Variants in RAP1A observed in about 807,000 individuals in gnomAD.
RAP1A encodes the protein RAP1A, member of RAS oncogene family.
A neutral mutation model predicts 26.4 loss-of-function variants in RAP1A; 6 were observed. The observed-to-expected ratio is 0.23, with a 90% CI of 0.12 to 0.45. The LOEUF is 0.45. Ranked by LOEUF, RAP1A falls within the 20% of genes least tolerant of loss-of-function variation. The pLI is 0.99. For missense variants in RAP1A, 121 were observed against 217.2 expected (o/e 0.56, Z 2.78); for synonymous variants, 73 against 79.4 (o/e 0.92, Z 0.43).
At chr1:111,648,293 C>T (rs1486858096) in intron 1 of RAP1A, 4 of 999,526 alleles carry the variant, frequency 4.0e-6, no homozygotes, top group Admixed American at 1.9e-5. Context: ...TGGCTTAATT[C>T]TCAGAACTTT....
At chr1:111,673,765 T>C (rs1358505240) in intron 1 of RAP1A, among the ~76,000 whole-genome samples, 2 of 152,180 alleles carry the variant, frequency 1.3e-5, no homozygotes, top group African/African-American at 2.4e-5. Flanking sequence ...CAGTAATGAG[T>C]TAGAACTAAT....
intron 4 of RAP1A, among the ~76,000 whole-genome samples, chr1:111,699,479 T>TTTTTTTTTGAAACAG (rs374442188): frequency 7.2e-6 from 1 of 139,024 alleles, no homozygotes; most frequent in Non-Finnish European, 1.6e-5. Context: ...TTTTTTTTTT[T>TTTTTTTTTGAAACAG]GAAACAGGGT....
chr1:111,543,865 G>T (rs1380484530), intron 1 of RAP1A, among the ~76,000 whole-genome samples: 2 of 152,160 alleles, frequency 1.3e-5, no homozygotes, highest in Non-Finnish European at 2.9e-5. Flanking sequence ...TTATTTTAAA[G>T]GATTGGGCCT....
chr1:111,568,896 CTTAA>C (rs1349193516), intron 1 of RAP1A, among the ~76,000 whole-genome samples: 5 of 152,096 alleles, frequency 3.3e-5, no homozygotes, highest in African/African-American at 7.2e-5. Context: ...TTCACTTCCA[CTTAA>C]TTAATAGTAA....
chr1:111,713,263 A>G lies in RAP1A; in HGVS notation c.*862A>G, dbSNP rs1000486979. The stretch of plus-strand genomic sequence containing the variant: ...ATACTAAGTAACTGGTGATTTCTCT[A>G]GGAACAGACCTCGCACTTTCTGTTC... On this transcript the variant is annotated 3_prime_UTR_variant, in exon 8 of 8. Coordinates refer to ENST00000369709, the MANE Select transcript of RAP1A (RefSeq NM_002884.4). 2 of 152,248 alleles carry G rather than the reference A, an allele frequency of 1.3e-5. No individual in the cohort carries two copies. The highest frequency in any genetic ancestry group is 4.8e-5 in the African/African-American group (2 of 41,466). 9.4% of individuals were successfully genotyped at this position (152,248 alleles called of 1,614,324 possible).
chr1:111,638,754 C>T (rs1659801209), intron 1 of RAP1A, among the ~76,000 whole-genome samples: 1 of 152,090 alleles, frequency 6.6e-6, no homozygotes, highest in South Asian at 2.1e-4. Flanking sequence ...CCTTTATTTG[C>T]CTACTCTGGT....
chr1:111,550,434 ATCTT>A (rs2101034924), intron 1 of RAP1A, among the ~76,000 whole-genome samples: 1 of 150,852 alleles, frequency 6.6e-6, no homozygotes, highest in South Asian at 2.1e-4. Flanking sequence ...TTGATTTGAG[ATCTT>A]TCTTCTTTTT....
intron 4 of RAP1A, among the ~76,000 whole-genome samples, chr1:111,699,708 C>A (rs1661959530): frequency 6.6e-6 from 1 of 151,690 alleles, no homozygotes; most frequent in Non-Finnish European, 1.5e-5. Flanking sequence ...CTCAAGGGAT[C>A]CTCCTGTCTT....
At position 111,697,513 on chromosome 1, in the gene RAP1A, C is replaced by CT. The variant is rs914677663; in HGVS notation, c.183+23dup. 2.5e-6 allele frequency: 4 copies of CT among 1,606,362 alleles called. No homozygotes were observed. The highest frequency in any genetic ancestry group is 1.3e-5 in the African/African-American group (1 of 74,150). On this transcript the variant is annotated intron_variant, in intron 4 of 7. Transcript: ENST00000369709. ...TGCAGGGACAGTAAGGATGTTTTCTCTTTTTTTGATAGATTTTAATTTGTG... is the reference window on the plus strand; with the variant it reads ...TGCAGGGACAGTAAGGATGTTTTCTCTTTTTTTTGATAGATTTTAATTTGTG...
At position 111,649,113 on chromosome 1, in the gene RAP1A, T is replaced by C. The variant is rs1459691962; in HGVS notation, c.-28+29179T>C. 3 of 593,444 alleles carry C rather than the reference T, an allele frequency of 5.1e-6. No homozygotes were observed. In the East Asian group the frequency reaches 1.3e-4, roughly 25 times the overall value. 36.8% of individuals were successfully genotyped at this position (593,444 alleles called of 1,614,324 possible). A position where few individuals can be genotyped will look rare whatever the true frequency, so the allele number is the denominator to read the frequency against. On this transcript the variant is annotated intron_variant, in intron 1 of 7. Coordinates refer to ENST00000369709, the MANE Select transcript of RAP1A (RefSeq NM_002884.4). ...AAAGTCATCAGTAGCAAGATGGGCATTGTCAATCTGCAGAACGATGTGGGC... is the reference window on the plus strand; with the variant it reads ...AAAGTCATCAGTAGCAAGATGGGCACTGTCAATCTGCAGAACGATGTGGGC...
At chr1:111,697,544 G>T (rs1224848337) in intron 4 of RAP1A, 47 bp downstream of exon 4, 2 of 1,604,068 alleles carry the variant, frequency 1.2e-6, no homozygotes, top group Non-Finnish European at 8.5e-7. Context: ...TTGTGAGCAG[G>T]TTTTGTCATC....
At chr1:111,693,447 A>G (rs893014053) in intron 2 of RAP1A, among the ~76,000 whole-genome samples, 2 of 152,122 alleles carry the variant, frequency 1.3e-5, no homozygotes, top group Non-Finnish European at 2.9e-5. Context: ...GGAGAGGAAA[A>G]TAAGGATACA....
At chr1:111,683,442 G>A (rs940632406) in intron 1 of RAP1A, among the ~76,000 whole-genome samples, 1 of 151,896 alleles carries the variant, frequency 6.6e-6, no homozygotes, top group Non-Finnish European at 1.5e-5. Flanking sequence ...GAAGGAAAGA[G>A]AAGAATCAAA....
intron 1 of RAP1A, among the ~76,000 whole-genome samples, chr1:111,665,800 T>C (rs543167456): frequency 6.6e-6 from 1 of 152,208 alleles, no homozygotes; most frequent in Non-Finnish European, 1.5e-5. Context: ...CCCTTTCTTC[T>C]GGTAATTAGA....
chr1:111,690,602 A>G (rs1288899314), intron 1 of RAP1A, among the ~76,000 whole-genome samples: 1 of 152,206 alleles, frequency 6.6e-6, no homozygotes, highest in Non-Finnish European at 1.5e-5. Context: ...AAAGAGTTTT[A>G]TATTTTTTTG....
intron 1 of RAP1A, among the ~76,000 whole-genome samples, chr1:111,558,957 A>G (rs555410395): frequency 1.1e-3 from 175 of 152,306 alleles, no homozygotes; most frequent in African/African-American, 4.1e-3. Flanking sequence ...AATCAAGCAT[A>G]TATGAGGTCA....
intron 4 of RAP1A, among the ~76,000 whole-genome samples, chr1:111,702,227 C>G (rs1337110280): frequency 6.6e-6 from 1 of 152,104 alleles, no homozygotes; most frequent in South Asian, 2.1e-4. Flanking sequence ...GTAAAAAGAT[C>G]CAAACTGTAT....
intron 1 of RAP1A, among the ~76,000 whole-genome samples, chr1:111,631,238 T>C (rs528959629): frequency 7.7e-4 from 118 of 152,288 alleles, no homozygotes; most frequent in Non-Finnish European, 8.8e-4. Context: ...TCTTTGGCAA[T>C]TTGAGAATTT....
chr1:111,599,404 A>T (rs1445551475), intron 1 of RAP1A, among the ~76,000 whole-genome samples: 5 of 152,050 alleles, frequency 3.3e-5, no homozygotes, highest in Admixed American at 3.3e-4. Context: ...ATGGAGTTTC[A>T]CCGTGTTAGC....
Sources: allele counts gnomAD v4.1 joint callset (sites outside exome capture counted in the v4.1 genomes callset), GRCh38; gene constraint gnomAD v4.1.1; transcripts MANE v1.5; gene names NCBI Gene and HGNC (gene_info 2026-07-23, HGNC 2026-07-21).